EPM2A: variants seen among roughly 807,000 people sequenced by gnomAD.
EPM2A encodes the protein laforin.
In EPM2A, 21 loss-of-function variants were observed where a neutral mutation model predicts 26.5. The ratio of observed to expected loss-of-function variants is 0.79; its 90% confidence interval spans 0.56 to 1.14. EPM2A has a LOEUF of 1.14. Among genes scored for constraint, EPM2A ranks in the 50% most tolerant of loss-of-function variants. EPM2A has a pLI of 0.00. For synonymous variants in EPM2A, 217 were observed against 177.6 expected, an observed-to-expected ratio of 1.22 and a Z score of -1.76; for missense variants, 458 against 440.8, an observed-to-expected ratio of 1.04 and a Z score of -0.35.
chr6:145,491,772 C>G, intron 4 of EPM2A: 1 of 532,950 alleles, frequency 1.9e-6, no homozygotes, highest in Non-Finnish European at 3.9e-6. Context: ...TACAACTCTG[C>G]TGCTTTCCAT....
intron 4 of EPM2A, among the ~76,000 whole-genome samples, chr6:145,444,735 C>A (rs1157293871): frequency 6.6e-6 from 1 of 152,084 alleles, no homozygotes; most frequent in African/African-American, 2.4e-5. Flanking sequence ...AGCACGCTAT[C>A]TTATTTCTTT....
At chr6:145,583,370 T>A (rs561889078) in intron 2 of EPM2A, among the ~76,000 whole-genome samples, 1 of 152,100 alleles carries the variant, frequency 6.6e-6, no homozygotes, top group African/African-American at 2.4e-5. Context: ...GTTTTGATTG[T>A]GGTATAAGAT....
chr6:145,388,284 C>G (rs2114654890), intron 4 of EPM2A, among the ~76,000 whole-genome samples: 1 of 152,234 alleles, frequency 6.6e-6, no homozygotes, highest in East Asian at 1.9e-4. Flanking sequence ...CCACAGAGTT[C>G]TTTTAGAACG....
chr6:145,613,661 T>G (rs1283139701), intron 2 of EPM2A, among the ~76,000 whole-genome samples: 1 of 152,184 alleles, frequency 6.6e-6, no homozygotes, highest in Non-Finnish European at 1.5e-5. Flanking sequence ...CTAGACATAT[T>G]TATCAAAACC....
At chr6:145,456,486 G>A (rs910635346) in intron 4 of EPM2A, among the ~76,000 whole-genome samples, 12 of 152,128 alleles carry the variant, frequency 7.9e-5, no homozygotes, top group Admixed American at 6.5e-4. Context: ...GGATAAAGAA[G>A]AACTTTCCAA....
chr6:145,682,906 A>G (rs1374995531), intron 2 of EPM2A, among the ~76,000 whole-genome samples: 2 of 152,180 alleles, frequency 1.3e-5, no homozygotes, highest in Admixed American at 6.6e-5. Context: ...GAATACCTCC[A>G]TTGTATAAAT....
At chr6:145,581,849 G>A (rs561164406) in intron 2 of EPM2A, among the ~76,000 whole-genome samples, 3 of 152,142 alleles carry the variant, frequency 2.0e-5, no homozygotes, top group Non-Finnish European at 4.4e-5. Context: ...TTGTTCTACA[G>A]TGGAATAGAT....
At chr6:145,562,467 T>A (rs1196910581) in intron 2 of EPM2A, among the ~76,000 whole-genome samples, 3 of 152,116 alleles carry the variant, frequency 2.0e-5, no homozygotes, top group Admixed American at 1.3e-4. Context: ...GCCAATTTAA[T>A]AAATTAAATA....
intron 1 of EPM2A, among the ~76,000 whole-genome samples, chr6:145,703,455 A>C (rs769778885): frequency 6.6e-6 from 1 of 152,220 alleles, no homozygotes; most frequent in Non-Finnish European, 1.5e-5. Context: ...TTTGGCACAA[A>C]ACAATTAAAA....
rs140432699 is a variant in EPM2A at position 145,445,501 on chromosome 6, C to T, written c.555+57021G>A. On this transcript the variant is annotated intron_variant, in intron 4 of 4. Coordinates refer to the EPM2A transcript ENST00000638717. The stretch of plus-strand genomic sequence containing the variant: ...CTATAATTTTCAGAAGAATAGATTA[C>T]GACTGAGATGGGAAGGGGAAGTGTA... Among the ~76,000 whole-genome samples, 542 of 152,160 alleles carry T rather than the reference C, an allele frequency of 3.6e-3. 1 individual carries two copies. The highest frequency in any genetic ancestry group is 0.012 in the African/African-American group (500 of 41,516).
At chr6:145,552,575 A>G (rs1349774032) in intron 2 of EPM2A, among the ~76,000 whole-genome samples, 1 of 152,154 alleles carries the variant, frequency 6.6e-6, no homozygotes, top group African/African-American at 2.4e-5. Flanking sequence ...AATGTAATAA[A>G]TATATGTATT....
chr6:145,688,284 T>A (rs1781061695), intron 1 of EPM2A, among the ~76,000 whole-genome samples: 1 of 152,184 alleles, frequency 6.6e-6, no homozygotes, highest in African/African-American at 2.4e-5. Flanking sequence ...GCCTAGGTAG[T>A]TTATGATGAA....
At chr6:145,633,317 CCTAA>C (rs1249973180) in intron 3 of EPM2A, among the ~76,000 whole-genome samples, 1 of 152,222 alleles carries the variant, frequency 6.6e-6, no homozygotes, top group Non-Finnish European at 1.5e-5. Context: ...TCCTTCAAAT[CCTAA>C]CTATCTTCTC....
At chr6:145,542,517 A>G (rs1197073585) in intron 2 of EPM2A, among the ~76,000 whole-genome samples, 1 of 152,238 alleles carries the variant, frequency 6.6e-6, no homozygotes, top group Non-Finnish European at 1.5e-5. Context: ...AATATAACAA[A>G]GTCAACTGCT....
At chr6:145,457,351 G>A (rs1479223957) in intron 4 of EPM2A, among the ~76,000 whole-genome samples, 1 of 151,832 alleles carries the variant, frequency 6.6e-6, no homozygotes, top group Non-Finnish European at 1.5e-5. Flanking sequence ...GGGCATGGTG[G>A]TGGGTGCCTG....
At chr6:145,653,268 G>A (rs1478803223) in intron 2 of EPM2A, among the ~76,000 whole-genome samples, 1 of 152,114 alleles carries the variant, frequency 6.6e-6, no homozygotes, top group Non-Finnish European at 1.5e-5. Context: ...CTTGTGATAG[G>A]GGGTGATTTC....
intron 4 of EPM2A, among the ~76,000 whole-genome samples, chr6:145,404,372 A>G (rs146817354): frequency 7.6e-4 from 116 of 151,848 alleles, no homozygotes; most frequent in African/African-American, 2.6e-3. Context: ...TTTCTTATTG[A>G]TATACAGGTC....
At chr6:145,563,138 C>T (rs1780831717) in intron 2 of EPM2A, among the ~76,000 whole-genome samples, 1 of 151,398 alleles carries the variant, frequency 6.6e-6, no homozygotes, top group Non-Finnish European at 1.5e-5. Context: ...GAGGGTGGGG[C>T]CCAGGCAAGG....
At chr6:145,705,802 ACTT>A (rs1782190626) in intron 1 of EPM2A, 1 of 449,294 alleles carries the variant, frequency 2.2e-6, no homozygotes, top group African/African-American at 2.0e-5. Flanking sequence ...ACAAAGATAT[ACTT>A]CTTCAACAGA....
Sources: gnomAD v4.1 joint callset for allele counts (sites outside exome capture counted in the v4.1 genomes callset) on GRCh38, gnomAD v4.1.1 for gene constraint, MANE v1.5 for transcripts, NCBI Gene and HGNC (gene_info 2026-07-23, HGNC 2026-07-21) for gene names.